The following PCDHA5 variants were observed in gnomAD, a reference collection of about 807,000 sequenced individuals.
PCDHA5 encodes the protein protocadherin alpha-5.
In PCDHA5, 43 loss-of-function variants were observed where a neutral mutation model predicts 61.6. The ratio of observed to expected loss-of-function variants is 0.70; its 90% CI spans 0.55 to 0.90. The LOEUF (loss-of-function observed/expected upper bound fraction) is 0.90. Ranked by LOEUF, PCDHA5 falls within the 40% of genes least tolerant of loss-of-function variation. The probability of loss-of-function intolerance (pLI) is 0.00; values close to 1 mark genes in which losing one functional copy is unlikely to be tolerated. For synonymous variants in PCDHA5, 627 were observed against 543.9 expected, an observed-to-expected ratio of 1.15 and a Z score of -2.13; for missense variants, 1,298 against 1,222.7, an observed-to-expected ratio of 1.06 and a Z score of -0.92.
intron 1 of PCDHA5, chr5:140,828,012 A>AT (rs1259696471): frequency 2.7e-6 from 4 of 1,508,934 alleles, no homozygotes; most frequent in Non-Finnish European, 3.6e-6. Context: ...GAAGAAATGG[A>AT]TTAATAAATT....
In PCDHA5 at chr5:140,846,583, C is replaced by T. The variant is rs2150392469; in HGVS notation, c.2352+22456C>T. On this transcript the variant is annotated intron_variant, in intron 1 of 3. Transcript: ENST00000529859. The stretch of plus-strand genomic sequence containing the variant: ...TAGAGTCGGGGTTTCACCATGTTAG[C>T]CAGGATGGTCTCGATCTCCTGACCT... Among the ~76,000 whole-genome samples the T allele has an allele frequency of 2.6e-4, 39 of 148,680 alleles. 1 individual carries two copies. Among genetic ancestry groups the T allele is most frequent in the African/African-American group, 9.4e-4 (38 of 40,584 alleles).
intron 1 of PCDHA5, chr5:140,841,197 A>G: frequency 7.8e-7 from 1 of 1,277,430 alleles, no homozygotes; most frequent in Non-Finnish European, 1.1e-6. Context: ...CTTTTCTCTG[A>G]CAGCATCTGT....
chr5:140,836,027 C>A lies in PCDHA5; in HGVS notation c.2352+11900C>A. On this transcript the variant is annotated intron_variant, in intron 1 of 3. Coordinates refer to ENST00000529859, the MANE Select transcript of PCDHA5 (RefSeq NM_018908.3). ...CGGGCGTGCCGCCTCTGGGCAGCAA[C>A]GTGACGCTGCAGGTGTTCGTGCTGG... The A allele has an allele frequency of 1.9e-6, 3 of 1,613,456 alleles. No individual in the cohort carries two copies. The highest frequency in any genetic ancestry group is 1.3e-5 in the African/African-American group (1 of 75,020).
At chr5:140,910,959 A>C (rs1188143214) in intron 1 of PCDHA5, among the ~76,000 whole-genome samples, 1 of 151,944 alleles carries the variant, frequency 6.6e-6, no homozygotes, top group African/African-American at 2.4e-5. Flanking sequence ...CGAGTGTAGC[A>C]CACCTCCTCA....
chr5:141,002,675 A>G (rs782045638), intron 3 of PCDHA5, among the ~76,000 whole-genome samples: 5 of 152,222 alleles, frequency 3.3e-5, no homozygotes, highest in African/African-American at 4.8e-5. Context: ...ACCAAAACCT[A>G]TACGACGTGC....
chr5:140,857,869 G>T (rs782395924), intron 1 of PCDHA5: 3 of 1,597,830 alleles, frequency 1.9e-6, no homozygotes, highest in Admixed American at 1.7e-5. Flanking sequence ...CGTGGCTGTC[G>T]TATGAATTGC....
At chr5:140,869,598 T>A in intron 1 of PCDHA5, 6 of 1,614,122 alleles carry the variant, frequency 3.7e-6, no homozygotes, top group Non-Finnish European at 5.1e-6. Context: ...TTGAAGAGAA[T>A]GCTCTATTGA....
intron 1 of PCDHA5, chr5:140,850,516 A>G: frequency 6.3e-7 from 1 of 1,598,240 alleles, no homozygotes; most frequent in Non-Finnish European, 8.6e-7. Context: ...GAGAGCGGCC[A>G]GGCGCCAAAG....
Position 140,856,641 on chromosome 5 carries a change from T to G in PCDHA5, c.2352+32514T>G, listed in dbSNP as rs1554148950. On this transcript the variant is annotated intron_variant, in intron 1 of 3. Coordinates refer to ENST00000529859, the MANE Select transcript of PCDHA5 (RefSeq NM_018908.3). ...TTCCCAGTGCTTGTTCTGCGGAAGC[T>G]GCTGGATCGTGAAGAAAATCCTCAG... 4.4e-6 allele frequency: 7 copies of G among 1,598,334 alleles called. 1 individual carries two copies. The highest frequency in any genetic ancestry group is 5.1e-6 in the Non-Finnish European group (6 of 1,167,764).
intron 1 of PCDHA5, chr5:140,858,279 G>A: frequency 2.5e-6 from 4 of 1,597,396 alleles, no homozygotes; most frequent in South Asian, 1.1e-5. Flanking sequence ...AGCGCGGTGG[G>A]GAGCTGGTCT....
intron 1 of PCDHA5, chr5:140,860,419 T>G (rs1239021926): frequency 6.6e-6 from 1 of 152,112 alleles, no homozygotes; most frequent in African/African-American, 2.4e-5. Context: ...AACACCATTA[T>G]CCTGCAAATA....
intron 3 of PCDHA5, among the ~76,000 whole-genome samples, chr5:141,005,772 G>A (rs1554260355): frequency 6.9e-6 from 1 of 144,526 alleles, no homozygotes; most frequent in South Asian, 2.2e-4. Flanking sequence ...CAAACCAGAT[G>A]TGTAAAGATC....
chr5:140,852,577 T>G, intron 1 of PCDHA5: 3 of 825,200 alleles, frequency 3.6e-6, no homozygotes, highest in Non-Finnish European at 3.0e-6. Flanking sequence ...TGCCAAGGCT[T>G]TTTTATTTTT....
intron 1 of PCDHA5, chr5:140,828,825 C>T: frequency 1.2e-6 from 2 of 1,614,200 alleles, no homozygotes; most frequent in Non-Finnish European, 8.5e-7. Flanking sequence ...TTCGAACAGT[C>T]TGAATACGAA....
intron 1 of PCDHA5, among the ~76,000 whole-genome samples, chr5:140,964,823 G>A (rs541084771): frequency 2.6e-5 from 4 of 152,218 alleles, no homozygotes; most frequent in Non-Finnish European, 1.5e-5. Context: ...AGATTTTGAT[G>A]AAAATTGCTT....
chr5:140,981,185 T>C (rs2096921770), intron 2 of PCDHA5, among the ~76,000 whole-genome samples: 1 of 152,224 alleles, frequency 6.6e-6, no homozygotes. Flanking sequence ...TAGTTCAAGT[T>C]TGCCTGCTCT....
At chr5:141,000,415 ATATATATTTTTTTT>A (rs2097922429) in intron 3 of PCDHA5, among the ~76,000 whole-genome samples, 2 of 87,398 alleles carry the variant, frequency 2.3e-5, no homozygotes, top group Non-Finnish European at 4.3e-5. Flanking sequence ...ATATATATAT[ATATATATTTTTTTT>A]TTTTTTTTTT....
chr5:140,838,063 A>C (rs1775401447), intron 1 of PCDHA5, among the ~76,000 whole-genome samples: 1 of 128,138 alleles, frequency 7.8e-6, no homozygotes. Flanking sequence ...TTCCACTTTA[A>C]GTTATATATA....
intron 3 of PCDHA5, among the ~76,000 whole-genome samples, chr5:140,995,774 G>A (rs2097697505): frequency 1.3e-5 from 2 of 151,968 alleles, no homozygotes; most frequent in Admixed American, 1.3e-4. Context: ...GAGAGTGAAG[G>A]GCAGGTTTAA....
Sources: gnomAD v4.1 joint callset for allele counts (sites outside exome capture counted in the v4.1 genomes callset) on GRCh38, gnomAD v4.1.1 for gene constraint, MANE v1.5 for transcripts, NCBI Gene and HGNC (gene_info 2026-07-23, HGNC 2026-07-21) for gene names.